Variants in DNM3 observed in about 807,000 individuals in gnomAD.
The protein encoded by DNM3 is dynamin 3, also known as dynamin-3.
In DNM3, 47 loss-of-function variants were observed where a neutral mutation model predicts 101.6. The observed-to-expected ratio is 0.46, with a 90% confidence interval of 0.37 to 0.59. The LOEUF (loss-of-function observed/expected upper bound fraction) is 0.59, where lower values mean the gene tolerates loss of function less well. Ranked by LOEUF, DNM3 falls within the 20% of genes least tolerant of loss-of-function variation. The pLI, the probability that DNM3 is intolerant of heterozygous loss-of-function variation, is 0.00. For synonymous variants in DNM3, 385 were observed against 387.9 expected (o/e 0.99, Z 0.09); for missense variants, 849 against 1,085.7 (o/e 0.78, Z 3.06).
chr1:172,266,785 A>G lies in DNM3; in HGVS notation c.1769+13103A>G, dbSNP rs566888140. The stretch of plus-strand genomic sequence containing the variant: ...AGAGGTGTGTGTAATACCCTCTATG[A>G]GTATCTGGTGGAGGGAAAAAATAAA... On this transcript the variant is annotated intron_variant, in intron 15 of 20. Coordinates refer to ENST00000627582, the MANE Select transcript of DNM3 (RefSeq NM_015569.5). Among the ~76,000 whole-genome samples, 4 of 152,280 alleles carry G rather than the reference A, an allele frequency of 2.6e-5. No homozygotes were observed. The South Asian group carries it at 8.3e-4, about 32-fold the overall frequency.
intron 16 of DNM3, chr1:172,310,215 C>T (rs2065023218): frequency 6.6e-6 from 1 of 152,218 alleles, no homozygotes; most frequent in African/African-American, 2.4e-5. Flanking sequence ...ACTTATTACT[C>T]TTCCCTATCC....
At chr1:171,912,207 C>G (rs1348448328) in intron 1 of DNM3, among the ~76,000 whole-genome samples, 1 of 151,878 alleles carries the variant, frequency 6.6e-6, no homozygotes, top group Non-Finnish European at 1.5e-5. Context: ...ATATTGCCCC[C>G]AACAGGGCAA....
chr1:172,220,017 C>T (rs1007749962), intron 14 of DNM3, among the ~76,000 whole-genome samples: 3 of 152,084 alleles, frequency 2.0e-5, no homozygotes, highest in Non-Finnish European at 2.9e-5. Flanking sequence ...GGAAACATGG[C>T]TCATCTGGCC....
At chr1:172,257,626 C>T (rs1160883466) in intron 15 of DNM3, among the ~76,000 whole-genome samples, 1 of 151,980 alleles carries the variant, frequency 6.6e-6, no homozygotes, top group African/African-American at 2.4e-5. Flanking sequence ...ATGTGATATT[C>T]TATTACACGC....
At chr1:172,327,586 A>G (rs2065989178) in intron 17 of DNM3, among the ~76,000 whole-genome samples, 1 of 152,152 alleles carries the variant, frequency 6.6e-6, no homozygotes, top group Non-Finnish European at 1.5e-5. Context: ...TTTGTATAAT[A>G]TTAAATGCAT....
chr1:171,877,139 A>T (rs2035856163), intron 1 of DNM3, among the ~76,000 whole-genome samples: 2 of 152,188 alleles, frequency 1.3e-5, no homozygotes, highest in Non-Finnish European at 2.9e-5. Context: ...TTGCTTTAGG[A>T]TACGTCCTGA....
At chr1:172,223,560 C>T (rs1029858473) in intron 14 of DNM3, among the ~76,000 whole-genome samples, 1 of 152,090 alleles carries the variant, frequency 6.6e-6, no homozygotes, top group African/African-American at 2.4e-5. Context: ...GTCTCAGATT[C>T]CTCAGCATCA....
At chr1:172,298,735 T>C (rs548243434) in intron 15 of DNM3, among the ~76,000 whole-genome samples, 1 of 152,156 alleles carries the variant, frequency 6.6e-6, no homozygotes, top group Non-Finnish European at 1.5e-5. Flanking sequence ...ATAAAAATGA[T>C]ACATTTCTCT....
At chr1:171,966,847 T>A (rs937178422) in intron 2 of DNM3, among the ~76,000 whole-genome samples, 1 of 152,204 alleles carries the variant, frequency 6.6e-6, no homozygotes, top group East Asian at 1.9e-4. Context: ...CTCTATAACC[T>A]GGCTGAAATT....
chr1:172,371,834 T>TTATTTA (rs1257287118), intron 17 of DNM3, among the ~76,000 whole-genome samples: 2 of 148,418 alleles, frequency 1.3e-5, no homozygotes, highest in African/African-American at 5.0e-5. Context: ...GCAGATATTT[T>TTATTTA]TATTTTTATT....
chr1:172,209,901 C>T (rs2060454454), intron 14 of DNM3, among the ~76,000 whole-genome samples: 1 of 152,016 alleles, frequency 6.6e-6, no homozygotes, highest in Non-Finnish European at 1.5e-5. Flanking sequence ...TGATATAATA[C>T]AACCATCAAA....
chr1:171,976,113 G>C (rs1184251090), intron 2 of DNM3, among the ~76,000 whole-genome samples: 1 of 152,176 alleles, frequency 6.6e-6, no homozygotes, highest in Non-Finnish European at 1.5e-5. Flanking sequence ...AAGGTACAAA[G>C]GCAATTCAGT....
intron 8 of DNM3, among the ~76,000 whole-genome samples, chr1:172,043,422 G>A (rs1219039522): frequency 6.6e-6 from 1 of 152,148 alleles, no homozygotes; most frequent in Non-Finnish European, 1.5e-5. Context: ...AGAGGTGAGT[G>A]CTTATGTCTT....
chr1:172,215,470 G>A (rs142035324), intron 14 of DNM3, among the ~76,000 whole-genome samples: 4 of 152,098 alleles, frequency 2.6e-5, no homozygotes, highest in Admixed American at 6.6e-5. Context: ...TAAACTTAGC[G>A]AAGTTTTCAA....
intron 14 of DNM3, among the ~76,000 whole-genome samples, chr1:172,245,976 G>A (rs2061937643): frequency 6.6e-6 from 1 of 152,192 alleles, no homozygotes; most frequent in African/African-American, 2.4e-5. Context: ...GAGGCCTCAA[G>A]ATATTTACAG....
intron 14 of DNM3, among the ~76,000 whole-genome samples, chr1:172,210,244 A>T (rs2060464868): frequency 6.6e-6 from 1 of 150,498 alleles, no homozygotes; most frequent in Admixed American, 6.6e-5. Flanking sequence ...TTCCTAAGTT[A>T]CTGATTTTTG....
intron 15 of DNM3, among the ~76,000 whole-genome samples, chr1:172,268,000 C>T (rs549813252): frequency 7.9e-5 from 12 of 152,308 alleles, no homozygotes; most frequent in East Asian, 3.9e-4. Flanking sequence ...GTATGAGCCA[C>T]GGCACCTGGC....
chr1:172,093,852 G>C, intron 13 of DNM3: 1 of 771,748 alleles, frequency 1.3e-6, no homozygotes, highest in East Asian at 2.6e-5. Flanking sequence ...AGGTTGTCTT[G>C]TCCGTAACAC....
chr1:171,890,844 G>T lies in DNM3; in HGVS notation c.162-30904G>T, dbSNP rs1571443228. Among the ~76,000 whole-genome samples, 6 of 152,196 alleles carry T rather than the reference G, an allele frequency of 3.9e-5. No homozygotes were observed. In the South Asian group the frequency reaches 1.0e-3, roughly 26 times the overall value. Reference sequence around the variant, plus strand: ...CAAAGAACCAAACAAAAACAGTTATGCATCCTGAATGAAAGGTAAAAATAA... The same window carrying T: ...CAAAGAACCAAACAAAAACAGTTATTCATCCTGAATGAAAGGTAAAAATAA... On this transcript the variant is annotated intron_variant, in intron 1 of 20. Coordinates refer to ENST00000627582, the MANE Select transcript of DNM3 (RefSeq NM_015569.5).
Sources: allele counts gnomAD v4.1 joint callset (sites outside exome capture counted in the v4.1 genomes callset), GRCh38; gene constraint gnomAD v4.1.1; transcripts MANE v1.5; gene names NCBI Gene and HGNC (gene_info 2026-07-23, HGNC 2026-07-21).